Variants in MTHFD2L observed in about 807,000 individuals in gnomAD.
The protein encoded by MTHFD2L is bifunctional methylenetetrahydrofolate dehydrogenase/cyclohydrolase 2, mitochondrial.
Under a neutral mutation model 34.9 loss-of-function variants are expected in MTHFD2L, and 29 were observed. The ratio of observed to expected loss-of-function variants is 0.83; its 90% confidence interval spans 0.62 to 1.13. The LOEUF (loss-of-function observed/expected upper bound fraction) is 1.13. Ranked by LOEUF, MTHFD2L falls within the 50% of genes most tolerant of loss-of-function variation. MTHFD2L has a pLI of 0.00. For synonymous variants in MTHFD2L, 167 were observed against 155.7 expected, an observed-to-expected ratio of 1.07 and a Z score of -0.54; for missense variants, 481 against 446.5, an observed-to-expected ratio of 1.08 and a Z score of -0.70.
chr4:74,262,708 A>T (rs911337490), intron 6 of MTHFD2L, among the ~76,000 whole-genome samples: 2 of 151,952 alleles, frequency 1.3e-5, no homozygotes, highest in Non-Finnish European at 2.9e-5. Context: ...AAAAAATGAA[A>T]AGCTTGATGA....
At chr4:74,225,446 C>T in intron 6 of MTHFD2L, 52 bp downstream of exon 6, 1 of 1,439,638 alleles carries the variant, frequency 6.9e-7, no homozygotes, top group Non-Finnish European at 9.7e-7. Flanking sequence ...AGAATAATTC[C>T]TGCCCTAAAT....
At chr4:74,165,249 C>T (rs1273269623) in intron 1 of MTHFD2L, among the ~76,000 whole-genome samples, 1 of 152,208 alleles carries the variant, frequency 6.6e-6, no homozygotes, top group Non-Finnish European at 1.5e-5. Context: ...GAACATTCAG[C>T]ATGAACAATT....
upstream of MTHFD2L, among the ~76,000 whole-genome samples, chr4:74,120,885 GT>G (rs1301412161): frequency 6.6e-6 from 1 of 152,184 alleles, no homozygotes; most frequent in Non-Finnish European, 1.5e-5. Context: ...CACAGAATGG[GT>G]TAAAAAACTT....
intron 7 of MTHFD2L, among the ~76,000 whole-genome samples, chr4:74,285,871 T>C (rs1180270014): frequency 6.6e-6 from 1 of 152,178 alleles, no homozygotes; most frequent in Non-Finnish European, 1.5e-5. Context: ...TAATCACTTC[T>C]ACATGATTAT....
chr4:74,216,946 A>G (rs958568881), intron 5 of MTHFD2L, among the ~76,000 whole-genome samples: 4 of 151,700 alleles, frequency 2.6e-5, no homozygotes, highest in African/African-American at 9.8e-5. Context: ...GGTCTTGATC[A>G]CCCATGTCTT....
intron 1 of MTHFD2L, among the ~76,000 whole-genome samples, chr4:74,145,967 CTTTTCTTCATA>C (rs1723569265): frequency 6.6e-6 from 1 of 152,140 alleles, no homozygotes; most frequent in Non-Finnish European, 1.5e-5. Context: ...AAGTAAACCT[CTTTTCTTCATA>C]AATTACCCAG....
At chr4:74,254,467 G>A (rs766705135) in intron 6 of MTHFD2L, among the ~76,000 whole-genome samples, 7 of 152,014 alleles carry the variant, frequency 4.6e-5, no homozygotes, top group Non-Finnish European at 8.8e-5. Context: ...AAGGCCAAGA[G>A]AGTGTCATGG....
At chr4:74,206,907 AT>A (rs1211220488) in intron 5 of MTHFD2L, among the ~76,000 whole-genome samples, 2 of 152,032 alleles carry the variant, frequency 1.3e-5, no homozygotes, top group East Asian at 3.9e-4. Context: ...TTAATTTTGA[AT>A]TTTTACTTTT....
chr4:74,154,796 C>T (rs1040054652), upstream of MTHFD2L, among the ~76,000 whole-genome samples: 15 of 152,052 alleles, frequency 9.9e-5, no homozygotes, highest in African/African-American at 3.4e-4. Context: ...TTATTGCTTT[C>T]GGGTGTTGTT....
At chr4:74,122,698 C>A (rs1421737943), upstream of MTHFD2L, among the ~76,000 whole-genome samples, 4 of 152,274 alleles carry the variant, frequency 2.6e-5, no homozygotes, top group Non-Finnish European at 5.9e-5. Context: ...AACATGACAA[C>A]TAAATGCAAT....
At chr4:74,214,788 C>T (rs939262293) in intron 5 of MTHFD2L, among the ~76,000 whole-genome samples, 7 of 151,810 alleles carry the variant, frequency 4.6e-5, no homozygotes, top group Non-Finnish European at 8.8e-5. Flanking sequence ...GAATGTTTGT[C>T]TGCTGAAGCT....
intron 7 of MTHFD2L, 57 bp downstream of exon 7, chr4:74,281,607 AT>A: frequency 6.6e-7 from 1 of 1,513,062 alleles, no homozygotes; most frequent in Non-Finnish European, 8.9e-7. Flanking sequence ...CACCTTACGT[AT>A]TTTAAAAATA....
At chr4:74,152,602 C>T (rs960548406) in intron 1 of MTHFD2L, among the ~76,000 whole-genome samples, 2 of 152,002 alleles carry the variant, frequency 1.3e-5, no homozygotes, top group Admixed American at 6.6e-5. Flanking sequence ...TAGTTTGCTG[C>T]ACCTATCAAC....
In MTHFD2L at chr4:74,302,339, TC is replaced by T. The variant is rs1750420839; in HGVS notation, c.*535del. ...GAAAATAAAATCTTGATCTCAACTA[TC>T]CCCCAAATGCATCCTATAAGTCCAT... On this transcript the variant is annotated 3_prime_UTR_variant, in exon 8 of 8. Coordinates refer to ENST00000325278, the MANE Select transcript of MTHFD2L (RefSeq NM_001144978.3). 6.6e-6 allele frequency: 1 copy of T among 151,998 alleles called. No homozygotes were observed. The highest frequency in any genetic ancestry group is 2.4e-5 in the African/African-American group (1 of 41,406). 9.4% of individuals were successfully genotyped at this position (151,998 alleles called of 1,614,324 possible).
At chr4:74,222,329 A>G (rs1738347912) in intron 5 of MTHFD2L, among the ~76,000 whole-genome samples, 1 of 152,122 alleles carries the variant, frequency 6.6e-6, no homozygotes, top group South Asian at 2.1e-4. Flanking sequence ...AAAGTCCAAG[A>G]TCAAGGTGCC....
At chr4:74,259,380 A>G (rs1165581692) in intron 6 of MTHFD2L, among the ~76,000 whole-genome samples, 1 of 152,144 alleles carries the variant, frequency 6.6e-6, no homozygotes, top group African/African-American at 2.4e-5. Flanking sequence ...GTTTTGTTCC[A>G]GAAGACAGAA....
Position 74,280,764 on chromosome 4 carries a change from G to A in MTHFD2L, c.806-661G>A, listed in dbSNP as rs116409347. ...TGTATAATGTTGCATAAGACCAATA[G>A]TGAGGAGAGCTTACTATACATGACA... is the stretch of plus-strand genomic sequence containing the variant. On this transcript the variant is annotated intron_variant, in intron 6 of 7. Coordinates refer to ENST00000325278, the MANE Select transcript of MTHFD2L (RefSeq NM_001144978.3). Among the ~76,000 whole-genome samples, 1,466 of 152,008 alleles carry A rather than the reference G, an allele frequency of 9.6e-3. 13 individuals are homozygous for A. The highest frequency in any genetic ancestry group is 0.015 in the Non-Finnish European group (1,004 of 67,960).
At chr4:74,118,882 C>T (rs956197761), upstream of MTHFD2L, among the ~76,000 whole-genome samples, 4 of 152,182 alleles carry the variant, frequency 2.6e-5, no homozygotes, top group Non-Finnish European at 5.9e-5. Context: ...AGTGCACACC[C>T]TATTGTGAAC....
At chr4:74,286,567 G>A (rs548326315) in intron 7 of MTHFD2L, among the ~76,000 whole-genome samples, 18 of 152,152 alleles carry the variant, frequency 1.2e-4, no homozygotes, top group South Asian at 2.1e-4. Context: ...TAATTATACC[G>A]TTCTTAATTC....
Sources: allele counts gnomAD v4.1 joint callset (sites outside exome capture counted in the v4.1 genomes callset), GRCh38; gene constraint gnomAD v4.1.1; transcripts MANE v1.5; gene names NCBI Gene and HGNC (gene_info 2026-07-23, HGNC 2026-07-21).